Variants in PCDH15 observed in about 807,000 individuals in gnomAD.
PCDH15 encodes protocadherin related 15.
In PCDH15, 129 loss-of-function variants were observed where a neutral mutation model predicts 178.5. That is an observed-to-expected ratio of 0.72 (90% CI 0.63 to 0.84). The LOEUF is 0.84. Among genes scored for constraint, PCDH15 ranks in the 40% least tolerant of loss-of-function variants. PCDH15 has a pLI of 0.00. For synonymous variants in PCDH15, 800 were observed against 732.0 expected (o/e 1.09, Z -1.50); for missense variants, 2,230 against 2,099.9 (o/e 1.06, Z -1.21).
chr10:55,407,035 T>C (rs1588996283), intron 2 of PCDH15, among the ~76,000 whole-genome samples: 1 of 152,172 alleles, frequency 6.6e-6, no homozygotes, highest in East Asian at 1.9e-4. Context: ...TTTGTCAAAG[T>C]GCAGATCATC....
At chr10:55,613,325 T>G (rs1329104097) in intron 2 of PCDH15, among the ~76,000 whole-genome samples, 1 of 152,154 alleles carries the variant, frequency 6.6e-6, no homozygotes, top group African/African-American at 2.4e-5. Context: ...GCTTCCTAGG[T>G]ATCTGTGAAT....
At chr10:55,150,015 G>A (rs1410050376) in intron 2 of PCDH15, among the ~76,000 whole-genome samples, 1 of 149,006 alleles carries the variant, frequency 6.7e-6, no homozygotes, top group African/African-American at 2.5e-5. Context: ...CAGCGAGAGT[G>A]AGCAGAGAGA....
At chr10:54,827,577 A>G (rs1199410175) in intron 3 of PCDH15, among the ~76,000 whole-genome samples, 2 of 152,110 alleles carry the variant, frequency 1.3e-5, no homozygotes, top group African/African-American at 4.8e-5. Context: ...CAGTCTTTTA[A>G]ATCAACTAAA....
intron 10 of PCDH15, among the ~76,000 whole-genome samples, chr10:54,201,158 G>C (rs1206631525): frequency 6.6e-6 from 1 of 152,112 alleles, no homozygotes; most frequent in Non-Finnish European, 1.5e-5. Context: ...TATGGAAAAA[G>C]TGAAAACCAC....
In PCDH15 at chr10:55,229,290, T is replaced by C. The variant is rs543695532; in HGVS notation, c.-155-62639A>G. 2.0e-4 allele frequency among the ~76,000 whole-genome samples: 31 copies of C among 151,774 alleles called. 1 individual carries two copies. Among genetic ancestry groups the C allele is most frequent in the African/African-American group, 7.2e-4 (30 of 41,454 alleles). ...AATTTTTCAAATAGACTACCATAAA[T>C]GATATATATCCCCTAAAAGGAAATA... On this transcript the variant is annotated intron_variant, in intron 1 of 5. Coordinates refer to the PCDH15 transcript ENST00000458638.
rs183611245 is a variant in PCDH15, at chr10:55,380,846, C to T, written c.-155-214195G>A. On this transcript the variant is annotated intron_variant, in intron 2 of 5. Coordinates refer to the PCDH15 transcript ENST00000613346. ...TAACGTGTTATCTTGCAAAGTAAAA[C>T]GTCAGACCCTTCACAGTCATTGATA... Among the ~76,000 whole-genome samples the T allele has an allele frequency of 2.3e-3, 351 of 152,226 alleles. 1 individual carries two copies. The highest frequency in any genetic ancestry group is 7.8e-3 in the African/African-American group (325 of 41,532).
intron 1 of PCDH15, among the ~76,000 whole-genome samples, chr10:54,672,378 G>A (rs879617613): frequency 6.6e-6 from 1 of 151,996 alleles, no homozygotes; most frequent in Admixed American, 6.6e-5. Flanking sequence ...CATAGATAGT[G>A]GAATCTATGA....
chr10:55,435,685 C>T (rs1839022053), intron 2 of PCDH15, among the ~76,000 whole-genome samples: 1 of 151,748 alleles, frequency 6.6e-6, no homozygotes, highest in African/African-American at 2.4e-5. Context: ...GGGTAACTTA[C>T]AATGAGACAG....
intron 21 of PCDH15, among the ~76,000 whole-genome samples, chr10:53,966,053 G>A (rs1489770651): frequency 6.0e-5 from 1 of 16,562 alleles, no homozygotes; most frequent in African/African-American, 1.6e-4. Flanking sequence ...GACTAAAATA[G>A]TTTGCTATCC....
intron 2 of PCDH15, among the ~76,000 whole-genome samples, chr10:55,541,445 T>C (rs192701257): frequency 1.3e-5 from 2 of 151,968 alleles, no homozygotes; most frequent in African/African-American, 4.8e-5. Flanking sequence ...AAAATAGATT[T>C]AGGAATACTA....
rs138228280 is a variant in PCDH15 at position 54,490,322 on chromosome 10, T to C, written c.157+37490A>G. ...AAAATTAGATGGGCGTGGTGGCGGGTGCCTGTAGTCCCAACTACTCGGGAG... is the reference window on the plus strand; with the variant it reads ...AAAATTAGATGGGCGTGGTGGCGGGCGCCTGTAGTCCCAACTACTCGGGAG... On this transcript the variant is annotated intron_variant, in intron 3 of 37. Coordinates refer to ENST00000644397, the MANE Select transcript of PCDH15 (RefSeq NM_001384140.1). Among the ~76,000 whole-genome samples the C allele has an allele frequency of 6.2e-3, 938 of 151,836 alleles. 9 individuals are homozygous for C. Among genetic ancestry groups the C allele is most frequent in the African/African-American group, 0.021 (877 of 41,440 alleles).
intron 3 of PCDH15, among the ~76,000 whole-genome samples, chr10:54,380,011 C>T (rs1948987931): frequency 6.6e-6 from 1 of 151,960 alleles, no homozygotes; most frequent in Admixed American, 6.6e-5. Flanking sequence ...TGAAATTGGC[C>T]TAAATGTTAT....
intron 13 of PCDH15, among the ~76,000 whole-genome samples, chr10:54,168,449 C>T (rs1239658082): frequency 1.3e-5 from 2 of 151,934 alleles, no homozygotes; most frequent in Non-Finnish European, 2.9e-5. Context: ...CTCGCCAGGC[C>T]GAGCTAGGTC....
chr10:54,898,605 C>T (rs68127931), intron 2 of PCDH15, among the ~76,000 whole-genome samples: 34,277 of 151,920 alleles, frequency 0.23, 4,548 homozygotes, highest in Non-Finnish European at 0.31. Context: ...TAAGTACTTA[C>T]TGGAATACTG....
chr10:54,543,476 C>T (rs1432255279), intron 2 of PCDH15, among the ~76,000 whole-genome samples: 1 of 152,220 alleles, frequency 6.6e-6, no homozygotes, highest in Admixed American at 6.5e-5. Flanking sequence ...AAGCGATCCA[C>T]ACCCCCAACG....
intron 2 of PCDH15, among the ~76,000 whole-genome samples, chr10:55,004,194 T>C (rs1839868318): frequency 6.6e-6 from 1 of 152,026 alleles, no homozygotes; most frequent in African/African-American, 2.4e-5. Context: ...AACTATATAA[T>C]TATATTAACC....
chr10:54,265,613 C>G (rs2057623060), intron 8 of PCDH15, among the ~76,000 whole-genome samples: 2 of 151,834 alleles, frequency 1.3e-5, no homozygotes, highest in Admixed American at 1.3e-4. Flanking sequence ...CAAAAAAGAG[C>G]AGGAGTTTCT....
intron 2 of PCDH15, among the ~76,000 whole-genome samples, chr10:54,926,013 C>T (rs1837615139): frequency 6.6e-6 from 1 of 152,100 alleles, no homozygotes; most frequent in Non-Finnish European, 1.5e-5. Context: ...AGAAGGCATC[C>T]TTGTCTTGTG....
chr10:53,968,680 AT>A (rs890076204), intron 21 of PCDH15, among the ~76,000 whole-genome samples: 135 of 152,218 alleles, frequency 8.9e-4, no homozygotes, highest in African/African-American at 3.2e-3. Context: ...AGGCAGCAAC[AT>A]TTGCCATTCT....
Sources: allele counts gnomAD v4.1 joint callset (sites outside exome capture counted in the v4.1 genomes callset), GRCh38; gene constraint gnomAD v4.1.1; transcripts MANE v1.5; gene names NCBI Gene and HGNC (gene_info 2026-07-23, HGNC 2026-07-21).